DNAJB14: variants seen among roughly 807,000 people sequenced by gnomAD.
DNAJB14 encodes the protein dnaJ homolog subfamily B member 14.
DNAJB14 carries 22 observed loss-of-function variants against 48.4 expected under a neutral mutation model. The ratio of observed to expected loss-of-function variants is 0.45; its 90% confidence interval spans 0.32 to 0.65. DNAJB14 has a LOEUF of 0.65. Ranked by LOEUF, DNAJB14 falls within the 30% of genes least tolerant of loss-of-function variation. The pLI, the probability that DNAJB14 is intolerant of heterozygous loss-of-function variation, is 0.03. For missense variants in DNAJB14, 319 were observed against 458.8 expected, an observed-to-expected ratio of 0.70 and a Z score of 2.78; for synonymous variants, 142 against 158.7, an observed-to-expected ratio of 0.89 and a Z score of 0.79.
chr4:99,938,934 G>A (rs1726789818), intron 1 of DNAJB14, among the ~76,000 whole-genome samples: 1 of 151,742 alleles, frequency 6.6e-6, no homozygotes, highest in Non-Finnish European at 1.5e-5. Context: ...CTATATAAAC[G>A]ATACCACTGC....
At chr4:99,941,032 A>G (rs1217152907) in intron 1 of DNAJB14, among the ~76,000 whole-genome samples, 1 of 151,994 alleles carries the variant, frequency 6.6e-6, no homozygotes, top group African/African-American at 2.4e-5. Context: ...TATGGCTATA[A>G]TATTTTCATT....
At chr4:99,919,692 C>T (rs1272488773) in intron 3 of DNAJB14, among the ~76,000 whole-genome samples, 1 of 152,166 alleles carries the variant, frequency 6.6e-6, no homozygotes, top group Non-Finnish European at 1.5e-5. Flanking sequence ...TTCTCTCCAT[C>T]TTTCAGAGTC....
At chr4:99,939,948 T>C (rs1726829360) in intron 1 of DNAJB14, among the ~76,000 whole-genome samples, 1 of 152,246 alleles carries the variant, frequency 6.6e-6, no homozygotes, top group African/African-American at 2.4e-5. Context: ...CCAGAGAACA[T>C]TCACTTTTAT....
At chr4:99,909,559 TTAAA>T (rs1163123471) in intron 3 of DNAJB14, among the ~76,000 whole-genome samples, 3 of 152,036 alleles carry the variant, frequency 2.0e-5, no homozygotes, top group Non-Finnish European at 2.9e-5. Flanking sequence ...GAATTAGTTT[TTAAA>T]TAAATACAGA....
intron 1 of DNAJB14, among the ~76,000 whole-genome samples, chr4:99,933,347 T>A (rs145412037): frequency 7.7e-6 from 1 of 130,204 alleles, no homozygotes; most frequent in Non-Finnish European, 1.5e-5. Context: ...CAGGCTGGAG[T>A]GCAGTGGTAT....
chr4:99,915,169 C>T (rs1214254571), intron 3 of DNAJB14, among the ~76,000 whole-genome samples: 1 of 152,122 alleles, frequency 6.6e-6, no homozygotes, highest in African/African-American at 2.4e-5. Flanking sequence ...TTTAGCTGGT[C>T]TTCTCAAATT....
At chr4:99,938,274 G>GA (rs936244238) in intron 1 of DNAJB14, among the ~76,000 whole-genome samples, 38 of 86,832 alleles carry the variant, frequency 4.4e-4, no homozygotes, top group East Asian at 6.5e-4. Context: ...CCAAGGTCAA[G>GA]AAAAAAAAAA....
rs978159545 is a variant in DNAJB14, at chr4:99,900,146, T to C, written c.*882A>G. 1 of 152,414 alleles carries C rather than the reference T, an allele frequency of 6.6e-6. No homozygotes were observed. The highest frequency in any genetic ancestry group is 2.4e-5 in the African/African-American group (1 of 41,420). The allele number at this position is 152,414 out of a possible 1,614,324, so 9.4% of individuals were successfully genotyped here. A position where few individuals can be genotyped will look rare whatever the true frequency, so the allele number is the denominator to read the frequency against. On this transcript the variant is annotated 3_prime_UTR_variant, in exon 8 of 8. Coordinates refer to ENST00000442697, the MANE Select transcript of DNAJB14 (RefSeq NM_001031723.4). Reference sequence around the variant, plus strand: ...AATGATCACCAAGAAACTGCAAATTTCTATGGGGGAAAATGTGAGTCCTCT... The same window carrying C: ...AATGATCACCAAGAAACTGCAAATTCCTATGGGGGAAAATGTGAGTCCTCT...
chr4:99,923,974 T>C (rs1488916943), intron 2 of DNAJB14: 2 of 615,694 alleles, frequency 3.2e-6, no homozygotes, highest in Non-Finnish European at 4.1e-6. Context: ...AAAGATTATA[T>C]ACATACAGTT....
intron 3 of DNAJB14, among the ~76,000 whole-genome samples, chr4:99,917,442 G>T (rs893896640): frequency 1.3e-5 from 2 of 152,164 alleles, no homozygotes; most frequent in African/African-American, 4.8e-5. Flanking sequence ...TTCACAAATG[G>T]TTCCTTCTAG....
chr4:99,941,438 A>G (rs1016982646), intron 1 of DNAJB14, among the ~76,000 whole-genome samples: 2 of 152,202 alleles, frequency 1.3e-5, no homozygotes, highest in African/African-American at 4.8e-5. Context: ...GTTTTTTCCT[A>G]TAGAAATAAT....
chr4:99,917,327 T>C (rs1725891910), intron 3 of DNAJB14, among the ~76,000 whole-genome samples: 1 of 152,222 alleles, frequency 6.6e-6, no homozygotes, highest in African/African-American at 2.4e-5. Flanking sequence ...CAAAATATCA[T>C]AAACTGCATA....
chr4:99,926,694 C>G (rs1726267397), intron 2 of DNAJB14: 2 of 151,796 alleles, frequency 1.3e-5, no homozygotes, highest in South Asian at 4.2e-4. Flanking sequence ...TGAAAATTTG[C>G]AGTGCTCTAG....
intron 1 of DNAJB14, among the ~76,000 whole-genome samples, chr4:99,946,019 G>C (rs767135391): frequency 6.6e-6 from 1 of 152,210 alleles, no homozygotes; most frequent in Non-Finnish European, 1.5e-5. Context: ...TTAGCCACTA[G>C]AGTACACCAT....
intron 3 of DNAJB14, among the ~76,000 whole-genome samples, chr4:99,915,421 G>A (rs1020861452): frequency 6.6e-6 from 1 of 152,302 alleles, no homozygotes; most frequent in East Asian, 1.9e-4. Flanking sequence ...ACAGGCGTGA[G>A]CCACTGTGCC....
chr4:99,911,807 A>T (rs1464620747), intron 3 of DNAJB14, among the ~76,000 whole-genome samples: 2 of 152,090 alleles, frequency 1.3e-5, no homozygotes, highest in Admixed American at 6.5e-5. Flanking sequence ...TCCTTTGTCA[A>T]ATACGTGCCT....
intron 1 of DNAJB14, among the ~76,000 whole-genome samples, chr4:99,936,358 T>C (rs77858231): frequency 1.3e-5 from 2 of 152,346 alleles, no homozygotes; most frequent in East Asian, 3.9e-4. Flanking sequence ...TGTGTGAATA[T>C]ACTGTATGTG....
intron 4 of DNAJB14, 25 bp downstream of exon 4, chr4:99,908,683 TATA>T (rs1725550788): frequency 1.3e-6 from 2 of 1,498,214 alleles, no homozygotes; most frequent in Admixed American, 4.3e-5. Context: ...CTTCATAAAA[TATA>T]ATATCTATAA....
chr4:99,939,179 T>C lies in DNAJB14; in HGVS notation c.133+7260A>G, dbSNP rs199959719. 3.9e-5 allele frequency among the ~76,000 whole-genome samples: 6 copies of C among 152,236 alleles called. No individual in the cohort carries two copies. In the East Asian group the frequency reaches 1.2e-3, roughly 29 times the overall value. The stretch of plus-strand genomic sequence containing the variant: ...GAGTTCGAGACCAGCCTGGCCAACA[T>C]GGGGAAACCCCGTCTCTACTAAAAA... On this transcript the variant is annotated intron_variant, in intron 1 of 7. Coordinates refer to ENST00000442697, the MANE Select transcript of DNAJB14 (RefSeq NM_001031723.4).
Sources: allele counts gnomAD v4.1 joint callset (sites outside exome capture counted in the v4.1 genomes callset), GRCh38; gene constraint gnomAD v4.1.1; transcripts MANE v1.5; gene names NCBI Gene and HGNC (gene_info 2026-07-23, HGNC 2026-07-21).